CPNE4: variants seen among roughly 807,000 people sequenced by gnomAD.
The protein encoded by CPNE4 is copine 4.
Under a neutral mutation model 67.9 loss-of-function variants are expected in CPNE4, and 25 were observed. The observed-to-expected ratio is 0.37, with a 90% CI of 0.27 to 0.51. The LOEUF (loss-of-function observed/expected upper bound fraction) is 0.51, where lower values mean the gene tolerates loss of function less well. CPNE4 is among the 20% of genes least tolerant of loss of function. The pLI is 0.93. For synonymous variants in CPNE4, 242 were observed against 244.9 expected (o/e 0.99, Z 0.11); for missense variants, 464 against 690.8 (o/e 0.67, Z 3.68).
At chr3:131,998,425 G>T (rs1465086814) in intron 1 of CPNE4, among the ~76,000 whole-genome samples, 1 of 152,128 alleles carries the variant, frequency 6.6e-6, no homozygotes, top group Non-Finnish European at 1.5e-5. Context: ...GAGCCAGTCT[G>T]TTCACACGAG....
In CPNE4 at chr3:131,992,776, T is replaced by C. The variant is rs1223258325; in HGVS notation, c.-2+41791A>G. 3.7e-5 allele frequency among the ~76,000 whole-genome samples: 5 copies of C among 135,924 alleles called. 2 individuals carry two copies. The highest frequency in any genetic ancestry group is 5.0e-5 in the Non-Finnish European group (3 of 59,826). The allele number at this position is 135,924 out of a possible 152,430, so 89.2% of individuals were successfully genotyped here. The stretch of plus-strand genomic sequence containing the variant: ...TCAGAGGGACCTGGTGGGAGGTAAT[T>C]TAATCATGGAGGCAGTTACTCCCAT... On this transcript the variant is annotated intron_variant, in intron 1 of 15. Coordinates refer to ENST00000429747, the MANE Select transcript of CPNE4 (RefSeq NM_130808.3).
intron 2 of CPNE4, among the ~76,000 whole-genome samples, chr3:131,775,562 T>A (rs1409706046): frequency 6.6e-6 from 1 of 152,078 alleles, no homozygotes; most frequent in African/African-American, 2.4e-5. Context: ...ATGCTTTTCT[T>A]GTGATAGTGA....
intron 2 of CPNE4, among the ~76,000 whole-genome samples, chr3:131,745,041 T>C (rs1395850493): frequency 1.3e-5 from 2 of 152,170 alleles, no homozygotes; most frequent in African/African-American, 2.4e-5. Context: ...CCAATTTACA[T>C]TCCCATTAGC....
At chr3:131,816,469 T>C (rs1427933174) in intron 2 of CPNE4, among the ~76,000 whole-genome samples, 1 of 152,202 alleles carries the variant, frequency 6.6e-6, no homozygotes, top group Non-Finnish European at 1.5e-5. Flanking sequence ...TTTCCTAGCT[T>C]GTTTTTCAAA....
chr3:131,690,911 C>T (rs1414017626), intron 5 of CPNE4, among the ~76,000 whole-genome samples: 1 of 152,132 alleles, frequency 6.6e-6, no homozygotes, highest in African/African-American at 2.4e-5. Context: ...GCAGACACTT[C>T]TCAAAAGACG....
At chr3:131,867,467 G>A (rs1217009976) in intron 2 of CPNE4, among the ~76,000 whole-genome samples, 2 of 152,166 alleles carry the variant, frequency 1.3e-5, no homozygotes, top group Non-Finnish European at 2.9e-5. Flanking sequence ...GGACACAGAG[G>A]CAATGTTGAA....
At chr3:131,596,061 A>G (rs1938825242) in intron 7 of CPNE4, among the ~76,000 whole-genome samples, 1 of 152,208 alleles carries the variant, frequency 6.6e-6, no homozygotes, top group Non-Finnish European at 1.5e-5. Context: ...GAGGTAATAT[A>G]CAACATAGTG....
At chr3:131,792,064 C>T (rs542224052) in intron 2 of CPNE4, among the ~76,000 whole-genome samples, 1 of 152,158 alleles carries the variant, frequency 6.6e-6, no homozygotes, top group South Asian at 2.1e-4. Context: ...GCAGAGAGGA[C>T]CAGCCTGGGA....
chr3:131,602,109 G>T (rs1442177885), intron 7 of CPNE4, among the ~76,000 whole-genome samples: 2 of 152,144 alleles, frequency 1.3e-5, no homozygotes, highest in Admixed American at 6.5e-5. Context: ...TCTGGAGTGG[G>T]TTACAAGAAT....
rs2086036615 is a variant in CPNE4 at position 131,847,228 on chromosome 3, G to A, written c.180+58036C>T. Among the ~76,000 whole-genome samples the A allele has an allele frequency of 2.6e-5, 4 of 152,248 alleles. No homozygotes were observed. In the South Asian group the frequency reaches 8.3e-4, roughly 32 times the overall value. ...TAGACCTGGGTCCACTTGCTCATAT[G>A]TGCTTGGCTTTGCTCATCACCACTA... On this transcript the variant is annotated intron_variant, in intron 2 of 15. Transcript: ENST00000429747.
At chr3:131,947,250 G>A (rs1453510243) in intron 1 of CPNE4, among the ~76,000 whole-genome samples, 2 of 151,980 alleles carry the variant, frequency 1.3e-5, no homozygotes, top group African/African-American at 2.4e-5. Flanking sequence ...TTAAGTTCTG[G>A]GAAACATGTG....
intron 2 of CPNE4, among the ~76,000 whole-genome samples, chr3:131,802,455 A>C (rs1331792855): frequency 6.6e-6 from 1 of 152,200 alleles, no homozygotes; most frequent in Non-Finnish European, 1.5e-5. Context: ...TCTGGTTTGC[A>C]CAGAAGAAAA....
At chr3:131,774,516 A>G (rs1207146860) in intron 2 of CPNE4, among the ~76,000 whole-genome samples, 2 of 152,136 alleles carry the variant, frequency 1.3e-5, no homozygotes, top group Non-Finnish European at 2.9e-5. Context: ...TCATAATTTT[A>G]TCAATAAATA....
chr3:131,944,208 C>T (rs921919216), intron 1 of CPNE4, among the ~76,000 whole-genome samples: 1 of 149,744 alleles, frequency 6.7e-6, no homozygotes, highest in East Asian at 2.0e-4. Context: ...AAAGCTGAAC[C>T]TCTTTCCTCT....
chr3:132,029,701 G>A (rs1294831740), intron 1 of CPNE4, among the ~76,000 whole-genome samples: 1 of 152,166 alleles, frequency 6.6e-6, no homozygotes, highest in African/African-American at 2.4e-5. Flanking sequence ...TTTTCCCCCT[G>A]ACATTTCCAA....
chr3:131,816,185 C>G (rs1026107779), intron 2 of CPNE4, among the ~76,000 whole-genome samples: 1 of 152,120 alleles, frequency 6.6e-6, no homozygotes, highest in Non-Finnish European at 1.5e-5. Context: ...CTTCTATGAG[C>G]ATTTTAAAGA....
At chr3:131,800,109 C>A (rs868089831) in intron 2 of CPNE4, among the ~76,000 whole-genome samples, 2 of 151,946 alleles carry the variant, frequency 1.3e-5, no homozygotes, top group Non-Finnish European at 2.9e-5. Context: ...GAACATAATA[C>A]CAGATAGGTA....
chr3:131,563,183 A>C (rs911998732), intron 11 of CPNE4, among the ~76,000 whole-genome samples: 16 of 152,030 alleles, frequency 1.1e-4, no homozygotes, highest in Admixed American at 1.0e-3. Flanking sequence ...ATGACACTAG[A>C]AAGAACAGAA....
chr3:131,591,781 C>T (rs182751189), intron 7 of CPNE4, among the ~76,000 whole-genome samples: 2 of 152,306 alleles, frequency 1.3e-5, no homozygotes, highest in East Asian at 3.9e-4. Context: ...CTCTCCCTGG[C>T]ATGAAGCTGG....
Sources: gnomAD v4.1 joint callset for allele counts (sites outside exome capture counted in the v4.1 genomes callset) on GRCh38, gnomAD v4.1.1 for gene constraint, MANE v1.5 for transcripts, NCBI Gene and HGNC (gene_info 2026-07-23, HGNC 2026-07-21) for gene names.